AGPAT3: variants seen among roughly 807,000 people sequenced by gnomAD.
AGPAT3 encodes 1-acylglycerol-3-phosphate O-acyltransferase 3, also known as 1-acyl-sn-glycerol-3-phosphate acyltransferase gamma.
In AGPAT3, 5 loss-of-function variants were observed where a neutral mutation model predicts 47.3. The observed-to-expected ratio is 0.11, with a 90% CI of 0.06 to 0.22. AGPAT3 has a LOEUF of 0.22. Among genes scored for constraint, AGPAT3 ranks in the 10% least tolerant of loss-of-function variants. The pLI, the probability that AGPAT3 is intolerant of heterozygous loss-of-function variation, is 1.00. For synonymous variants in AGPAT3, 212 were observed against 208.3 expected, an observed-to-expected ratio of 1.02 and a Z score of -0.15; for missense variants, 315 against 493.0, an observed-to-expected ratio of 0.64 and a Z score of 3.42.
At position 43,952,032 on chromosome 21, in the gene AGPAT3, G is replaced by A. The variant is rs758207065; in HGVS notation, c.-48-7602G>A. 2.0e-5 allele frequency among the ~76,000 whole-genome samples: 3 copies of A among 152,230 alleles called. No homozygotes were observed. Among genetic ancestry groups the A allele is most frequent in the East Asian group, 1.9e-4 (1 of 5,172 alleles). ...GGGAGGAGGGTCCACATGCTGCAGC[G>A]AAGGACCTGGGGCAGGCAGGGGGTG... On this transcript the variant is annotated intron_variant, in intron 2 of 9. Coordinates refer to ENST00000291572, the MANE Select transcript of AGPAT3 (RefSeq NM_020132.5). The surrounding 1 kb of genome is among the most constrained non-coding windows in gnomAD (Gnocchi z 5.6).
intron 2 of AGPAT3, among the ~76,000 whole-genome samples, chr21:43,921,792 CT>C (rs928587241): frequency 3.5e-4 from 52 of 149,286 alleles, no homozygotes; most frequent in South Asian, 1.1e-3. Flanking sequence ...TCTCTGAGCT[CT>C]TTTTTTTTTC....
intron 1 of AGPAT3, among the ~76,000 whole-genome samples, chr21:43,885,248 T>TGCACA (rs2085947759): frequency 6.6e-6 from 1 of 152,282 alleles, no homozygotes; most frequent in Non-Finnish European, 1.5e-5. Context: ...ACGGGTTCCC[T>TGCACA]GCACAGCTGC....
At chr21:43,941,464 T>C (rs1569077686) in intron 2 of AGPAT3, among the ~76,000 whole-genome samples, 1 of 152,230 alleles carries the variant, frequency 6.6e-6, no homozygotes, top group Non-Finnish European at 1.5e-5. Context: ...GGAGGATCCC[T>C]TGAGCTCAGG....
chr21:43,870,653 C>T (rs754200054), intron 1 of AGPAT3, among the ~76,000 whole-genome samples: 30 of 152,092 alleles, frequency 2.0e-4, no homozygotes, highest in Non-Finnish European at 2.8e-4. Context: ...ACCTGGGAGG[C>T]GGACCTTGCA....
intron 7 of AGPAT3, among the ~76,000 whole-genome samples, chr21:43,976,127 G>A (rs1176870872): frequency 2.6e-5 from 4 of 151,828 alleles, no homozygotes; most frequent in Non-Finnish European, 5.9e-5. Context: ...GAGTGCAGTG[G>A]TGCAATTTCA....
rs1357973505 is a variant in AGPAT3 at position 43,922,009 on chromosome 21, A to T, written c.-49+17990A>T. 6.6e-6 allele frequency among the ~76,000 whole-genome samples: 1 copy of T among 152,128 alleles called. No homozygotes were observed. Among genetic ancestry groups the T allele is most frequent in the Admixed American group, 6.6e-5 (1 of 15,264 alleles). ...CTTTTCCTGATTTCTCTGTCTCTCG[A>T]TGCCATTTTTGTGAAGGTTTAGCAA... On this transcript the variant is annotated intron_variant, in intron 2 of 9. Coordinates refer to ENST00000291572, the MANE Select transcript of AGPAT3 (RefSeq NM_020132.5). The surrounding 1 kb of genome is among the most constrained non-coding windows in gnomAD (Gnocchi z 4.9).
In AGPAT3 at chr21:43,985,198, G is replaced by C; in HGVS notation, c.*2806G>C. On this transcript the variant is annotated 3_prime_UTR_variant, in exon 10 of 10. Transcript: ENST00000291572. ...GGGGTCTCCTGCCCATCTTCCCAAG[G>C]ATGCCATTGCTGTCTTCATCGTCTT... is the stretch of plus-strand genomic sequence containing the variant. 1 of 456,098 alleles carries C rather than the reference G, an allele frequency of 2.2e-6. No individual in the cohort carries two copies. The highest frequency in any genetic ancestry group is 4.4e-6 in the Non-Finnish European group (1 of 226,976). 28.3% of individuals were successfully genotyped at this position (456,098 alleles called of 1,614,324 possible).
At chr21:43,937,402 C>T (rs550474529) in intron 2 of AGPAT3, among the ~76,000 whole-genome samples, 21 of 152,304 alleles carry the variant, frequency 1.4e-4, no homozygotes, top group Non-Finnish European at 2.6e-4. Context: ...TTGGCGGAGG[C>T]GCGCAAGGCC....
intron 2 of AGPAT3, among the ~76,000 whole-genome samples, chr21:43,943,691 G>A (rs919680748): frequency 5.9e-5 from 9 of 152,340 alleles, no homozygotes; most frequent in African/African-American, 1.4e-4. Context: ...CCTGTGTCAC[G>A]GAGGAAGGGG....
rs78426253 is a variant in AGPAT3 at position 43,903,158 on chromosome 21, A to G, written c.-111-799A>G. Among the ~76,000 whole-genome samples the G allele has an allele frequency of 5.5e-3, 839 of 152,362 alleles. 8 individuals carry two copies. The highest frequency in any genetic ancestry group is 0.017 in the Middle Eastern group (5 of 292). On this transcript the variant is annotated intron_variant, in intron 1 of 9. Transcript: ENST00000291572. ...ATACTGAGTGAAATAAGCCAGTCAC[A>G]TAAGGACAAATAGTGTATGATTCCA...
In AGPAT3 at chr21:43,952,151, G is replaced by A. The variant is rs920476315; in HGVS notation, c.-48-7483G>A. On this transcript the variant is annotated intron_variant, in intron 2 of 9. Transcript: ENST00000291572. This position sits in a 1 kb window ranked among gnomAD's most constrained non-coding sequence, Gnocchi z 5.6. ...TGTGAGTGCGATTGGGCTGTGTGAC[G>A]GCACCAGAGGCGGGGCTGCAGCTGC... Among the ~76,000 whole-genome samples, 1 of 152,064 alleles carries A rather than the reference G, an allele frequency of 6.6e-6. No individual in the cohort carries two copies. The highest frequency in any genetic ancestry group is 1.9e-4 in the East Asian group (1 of 5,176).
At chr21:43,902,692 G>A (rs2086386153) in intron 1 of AGPAT3, among the ~76,000 whole-genome samples, 1 of 152,210 alleles carries the variant, frequency 6.6e-6, no homozygotes, top group Admixed American at 6.5e-5. Flanking sequence ...CACATTAGCA[G>A]GGAGGATTTC....
chr21:43,870,000 T>G (rs949727915), intron 1 of AGPAT3, among the ~76,000 whole-genome samples: 2 of 152,236 alleles, frequency 1.3e-5, no homozygotes, highest in Admixed American at 1.3e-4. Context: ...CCACCACACG[T>G]GGCTAAGTTT....
At chr21:43,979,280 CAG>C (rs1423969877) in intron 8 of AGPAT3, among the ~76,000 whole-genome samples, 1 of 109,458 alleles carries the variant, frequency 9.1e-6, no homozygotes, top group Non-Finnish European at 1.7e-5. Context: ...GCCTGGGCAA[CAG>C]AGTGAGACTC....
intron 1 of AGPAT3, among the ~76,000 whole-genome samples, chr21:43,901,742 T>C (rs1177677334): frequency 3.3e-5 from 5 of 152,140 alleles, no homozygotes. Flanking sequence ...ACCATTGCAC[T>C]CCAGCCTGGG....
In AGPAT3 at chr21:43,898,566, G is replaced by A. The variant is rs552920128; in HGVS notation, c.-111-5391G>A. ...CCCCAAGACGGAGTCTTGCTCTGTC[G>A]CCCAGGCTGGAGTGCAGTGGGCCAA... is the stretch of plus-strand genomic sequence containing the variant. On this transcript the variant is annotated intron_variant, in intron 1 of 9. Transcript: ENST00000291572. Among the ~76,000 whole-genome samples, 6 of 152,048 alleles carry A rather than the reference G, an allele frequency of 3.9e-5. 1 individual carries two copies. The highest frequency in any genetic ancestry group is 4.2e-4 in the South Asian group (2 of 4,798).
At chr21:43,946,773 ATG>A (rs951600899) in intron 2 of AGPAT3, among the ~76,000 whole-genome samples, 3 of 151,954 alleles carry the variant, frequency 2.0e-5, no homozygotes, top group Admixed American at 6.6e-5. Context: ...GCATGCATGT[ATG>A]TGTGTGTGTG....
chr21:43,933,324 C>T lies in AGPAT3; in HGVS notation c.-48-26310C>T, dbSNP rs577875668. Among the ~76,000 whole-genome samples the T allele has an allele frequency of 7.5e-4, 114 of 152,316 alleles. No homozygotes were observed. The highest frequency in any genetic ancestry group is 2.7e-3 in the African/African-American group (111 of 41,566). ...GGGCATGTGGTCTGCAGGGTTTTCT[C>T]TCCCTTGCGGGTCGTCTCTTTACCC... On this transcript the variant is annotated intron_variant, in intron 2 of 9. Transcript: ENST00000291572. This position sits in a 1 kb window ranked among gnomAD's most constrained non-coding sequence, Gnocchi z 6.0.
At chr21:43,931,522 G>A (rs1601339245) in intron 2 of AGPAT3, among the ~76,000 whole-genome samples, 2 of 152,306 alleles carry the variant, frequency 1.3e-5, no homozygotes, top group South Asian at 4.1e-4. Flanking sequence ...TTGTTTGGGC[G>A]ATATGTTCAG....
Sources: allele counts gnomAD v4.1 joint callset (sites outside exome capture counted in the v4.1 genomes callset), GRCh38; gene constraint gnomAD v4.1.1; non-coding constraint Gnocchi (gnomAD v3.1); transcripts MANE v1.5; gene names NCBI Gene and HGNC (gene_info 2026-07-23, HGNC 2026-07-21).